Variants in PTPRN2 observed in about 807,000 individuals in gnomAD.
PTPRN2 encodes protein tyrosine phosphatase receptor type N2.
Under a neutral mutation model 118.8 loss-of-function variants are expected in PTPRN2, and 74 were observed. The ratio of observed to expected loss-of-function variants is 0.62; its 90% CI spans 0.52 to 0.76. The LOEUF (loss-of-function observed/expected upper bound fraction) is 0.76. Among genes scored for constraint, PTPRN2 ranks in the 30% least tolerant of loss-of-function variants. The probability of loss-of-function intolerance (pLI) is 0.00; values close to 1 mark genes in which losing one functional copy is unlikely to be tolerated. For missense variants in PTPRN2, 1,481 were observed against 1,394.4 expected (o/e 1.06, Z -0.99); for synonymous variants, 641 against 608.0 (o/e 1.05, Z -0.80).
rs188952982 is a variant in PTPRN2 at position 158,324,560 on chromosome 7, C to T, written c.164-7628G>A. Among the ~76,000 whole-genome samples the T allele has an allele frequency of 2.5e-3, 376 of 151,898 alleles. 1 individual carries two copies. Among genetic ancestry groups the T allele is most frequent in the South Asian group, 0.011 (52 of 4,784 alleles). On this transcript the variant is annotated intron_variant, in intron 2 of 22. Transcript: ENST00000389418. The stretch of plus-strand genomic sequence containing the variant: ...ATGAGTCTCGCAAGTTCTCAGGTGG[C>T]CATGCGCCTCCACCCCATCCCGTAC...
At chr7:158,251,963 G>A (rs750785952) in intron 3 of PTPRN2, among the ~76,000 whole-genome samples, 3 of 152,154 alleles carry the variant, frequency 2.0e-5, no homozygotes, top group Admixed American at 6.5e-5. Context: ...TCAGGGAAAC[G>A]AGAGCCACCA....
At chr7:158,009,699 C>T (rs574583008) in intron 11 of PTPRN2, among the ~76,000 whole-genome samples, 1 of 152,304 alleles carries the variant, frequency 6.6e-6, no homozygotes, top group African/African-American at 2.4e-5. Flanking sequence ...TCCAAACCTC[C>T]TTCCTGCCTG....
intron 9 of PTPRN2, among the ~76,000 whole-genome samples, chr7:158,116,438 C>A (rs1224953428): frequency 1.3e-5 from 2 of 152,210 alleles, no homozygotes; most frequent in African/African-American, 4.8e-5. Context: ...ACCTTGCAGT[C>A]AATGTCAGCT....
intron 2 of PTPRN2, among the ~76,000 whole-genome samples, chr7:158,463,496 C>T (rs1294469002): frequency 6.6e-6 from 1 of 151,816 alleles, no homozygotes; most frequent in Non-Finnish European, 1.5e-5. Flanking sequence ...ATTACCATTA[C>T]CATCACCACC....
intron 9 of PTPRN2, among the ~76,000 whole-genome samples, chr7:158,115,753 CTT>C (rs1816678493): frequency 6.6e-6 from 1 of 152,088 alleles, no homozygotes; most frequent in African/African-American, 2.4e-5. Context: ...ATCCATGGTG[CTT>C]TGTTATAGCA....
intron 15 of PTPRN2, among the ~76,000 whole-genome samples, chr7:157,612,346 C>T (rs950072964): frequency 2.0e-5 from 3 of 152,210 alleles, no homozygotes; most frequent in African/African-American, 7.2e-5. Flanking sequence ...ACCGAGAGGC[C>T]GTCCATCGAC....
chr7:158,070,608 TCCTGGTGGTGGAGGTGCC>T (rs1811226519), intron 11 of PTPRN2, among the ~76,000 whole-genome samples: 1 of 105,088 alleles, frequency 9.5e-6, no homozygotes. Flanking sequence ...GTGGAGGTGC[TCCTGGTGGTGGAGGTGCC>T]CCTGGTGGTG....
chr7:158,164,976 G>A (rs2150583347), intron 6 of PTPRN2, among the ~76,000 whole-genome samples: 1 of 100,058 alleles, frequency 1.0e-5, no homozygotes, highest in Middle Eastern at 6.1e-3. Flanking sequence ...CGCAAGTGAA[G>A]ACCCCCTGAT....
chr7:157,570,815 G>C (rs954504888), intron 20 of PTPRN2, among the ~76,000 whole-genome samples: 1 of 152,088 alleles, frequency 6.6e-6, no homozygotes, highest in African/African-American at 2.4e-5. Context: ...TGGTGGTTGA[G>C]ACAATGCAAC....
intron 13 of PTPRN2, among the ~76,000 whole-genome samples, chr7:157,680,558 C>G (rs1481661879): frequency 6.6e-6 from 1 of 152,196 alleles, no homozygotes; most frequent in Admixed American, 6.5e-5. Flanking sequence ...TCAAAGTGAA[C>G]AATCATACAG....
intron 12 of PTPRN2, among the ~76,000 whole-genome samples, chr7:157,698,497 C>T (rs763961214): frequency 6.6e-6 from 1 of 152,202 alleles, no homozygotes; most frequent in Admixed American, 6.5e-5. Context: ...AACATTTCTG[C>T]TTGAAGGATT....
chr7:158,132,202 A>G (rs1818391580), intron 9 of PTPRN2, among the ~76,000 whole-genome samples: 1 of 146,012 alleles, frequency 6.8e-6, no homozygotes, highest in South Asian at 2.1e-4. Context: ...GCACAGATAC[A>G]CACAACGAAA....
chr7:158,343,014 A>T (rs1364741191), intron 2 of PTPRN2, among the ~76,000 whole-genome samples: 1 of 152,128 alleles, frequency 6.6e-6, no homozygotes, highest in Non-Finnish European at 1.5e-5. Flanking sequence ...GCGCCATTGC[A>T]CTCCAGCCTG....
At chr7:158,398,072 C>T (rs1290505173) in intron 2 of PTPRN2, among the ~76,000 whole-genome samples, 1 of 152,216 alleles carries the variant, frequency 6.6e-6, no homozygotes, top group African/African-American at 2.4e-5. Flanking sequence ...AGTGCTGATA[C>T]ATCCACACAT....
chr7:157,736,649 C>A (rs1800315639), intron 12 of PTPRN2, among the ~76,000 whole-genome samples: 2 of 152,102 alleles, frequency 1.3e-5, no homozygotes, highest in African/African-American at 2.4e-5. Context: ...GGCACGGCCA[C>A]CCGTGATGAC....
chr7:158,366,367 C>T (rs535732037), intron 2 of PTPRN2, among the ~76,000 whole-genome samples: 49 of 123,498 alleles, frequency 4.0e-4, no homozygotes, highest in African/African-American at 1.3e-3. Context: ...GCCCAATGCA[C>T]GCGTGCAAAC....
intron 2 of PTPRN2, among the ~76,000 whole-genome samples, chr7:158,488,607 C>T (rs1320624443): frequency 6.6e-6 from 1 of 152,242 alleles, no homozygotes; most frequent in Non-Finnish European, 1.5e-5. Flanking sequence ...TGCACCAGTG[C>T]AGGGGAGGCC....
chr7:158,347,487 G>A (rs1304628446), intron 2 of PTPRN2, among the ~76,000 whole-genome samples: 4 of 152,162 alleles, frequency 2.6e-5, no homozygotes, highest in African/African-American at 4.8e-5. Flanking sequence ...CCAGTACCAC[G>A]TTGTTTTGGT....
At chr7:157,866,839 C>A (rs1274353325) in intron 12 of PTPRN2, among the ~76,000 whole-genome samples, 1 of 102,772 alleles carries the variant, frequency 9.7e-6, no homozygotes, top group African/African-American at 3.8e-5. Context: ...CGCCCCCCCC[C>A]GACGCCCTGG....
Sources: allele counts gnomAD v4.1 joint callset (sites outside exome capture counted in the v4.1 genomes callset), GRCh38; gene constraint gnomAD v4.1.1; transcripts MANE v1.5; gene names NCBI Gene and HGNC (gene_info 2026-07-23, HGNC 2026-07-21).